TENM3: variants seen among roughly 807,000 people sequenced by gnomAD.
The protein encoded by TENM3 is teneurin transmembrane protein 3, also known as teneurin-3.
In TENM3, 63 loss-of-function variants were observed where a neutral mutation model predicts 255.1. The ratio of observed to expected loss-of-function variants is 0.25; its 90% CI spans 0.20 to 0.30. The LOEUF (loss-of-function observed/expected upper bound fraction) is 0.30, where lower values mean the gene tolerates loss of function less well. TENM3 is among the 10% of genes least tolerant of loss of function. The probability of loss-of-function intolerance (pLI) is 1.00; values close to 1 mark genes in which losing one functional copy is unlikely to be tolerated. For missense variants in TENM3, 2,929 were observed against 3,461.1 expected (o/e 0.85, Z 3.86); for synonymous variants, 1,306 against 1,322.3 (o/e 0.99, Z 0.27).
intron 16 of TENM3, among the ~76,000 whole-genome samples, chr4:182,735,952 C>G (rs1012161066): frequency 1.3e-5 from 2 of 151,964 alleles, no homozygotes; most frequent in African/African-American, 4.8e-5. Flanking sequence ...GGAGATAATT[C>G]TTATGCACAT....
the TENM3 span, among the ~76,000 whole-genome samples, chr4:181,770,486 A>G: frequency 1.0e-3 from 158 of 152,132 alleles, no homozygotes; most frequent in African/African-American, 3.7e-3. Context: ...CATCCTGGCT[A>G]ACAGGGTGAA....
chr4:182,205,932 C>T (rs1045674333), intron 1 of TENM3, among the ~76,000 whole-genome samples: 2 of 151,938 alleles, frequency 1.3e-5, no homozygotes, highest in African/African-American at 4.8e-5. Context: ...GCTTTACATC[C>T]GGAACATGGA....
chr4:181,991,853 G>A, the TENM3 span, among the ~76,000 whole-genome samples: 14 of 152,144 alleles, frequency 9.2e-5, no homozygotes, highest in African/African-American at 2.9e-4. Flanking sequence ...TATAGGCAGT[G>A]GAAGCTGAAC....
At chr4:182,757,017 T>TA (rs1445808311) in intron 22 of TENM3, among the ~76,000 whole-genome samples, 1 of 152,090 alleles carries the variant, frequency 6.6e-6, no homozygotes, top group Non-Finnish European at 1.5e-5. Context: ...GCTCTGATTC[T>TA]AAGATCTTCA....
chr4:181,665,477 G>A, the TENM3 span, among the ~76,000 whole-genome samples: 8 of 152,034 alleles, frequency 5.3e-5, no homozygotes, highest in Non-Finnish European at 1.2e-4. Context: ...TATTGTACGT[G>A]TACATATACA....
chr4:182,289,319 A>G (rs1391769646), intron 1 of TENM3, among the ~76,000 whole-genome samples: 1 of 152,214 alleles, frequency 6.6e-6, no homozygotes, highest in Admixed American at 6.5e-5. Flanking sequence ...TAGATAAAGG[A>G]CTTACTCTAT....
the TENM3 span, among the ~76,000 whole-genome samples, chr4:181,785,360 A>T: frequency 1.3e-5 from 2 of 152,126 alleles, no homozygotes; most frequent in East Asian, 3.9e-4. Flanking sequence ...TGCCCCAGAA[A>T]GCCACAGCTA....
chr4:182,626,103 C>T (rs1032009594), intron 4 of TENM3, among the ~76,000 whole-genome samples: 3 of 152,144 alleles, frequency 2.0e-5, no homozygotes, highest in East Asian at 3.9e-4. Flanking sequence ...TTGTCTATGG[C>T]GGCTTTCACG....
the TENM3 span, among the ~76,000 whole-genome samples, chr4:181,580,641 C>T: frequency 6.6e-6 from 1 of 152,128 alleles, no homozygotes; most frequent in African/African-American, 2.4e-5. Context: ...CCCAGACCCC[C>T]CTGAGAGGAG....
chr4:181,936,244 A>T, the TENM3 span, among the ~76,000 whole-genome samples: 3 of 152,036 alleles, frequency 2.0e-5, no homozygotes, highest in South Asian at 4.2e-4. Flanking sequence ...ATACAAAAAA[A>T]ATAAGCTGGG....
intron 1 of TENM3, among the ~76,000 whole-genome samples, chr4:182,155,167 G>A (rs57301483): frequency 0.17 from 25,792 of 152,034 alleles, 2,723 homozygotes; most frequent in East Asian, 0.5. Context: ...CACAAGTAAT[G>A]CCACCTAAAA....
chr4:182,766,316 G>A (rs1046271941), intron 22 of TENM3, among the ~76,000 whole-genome samples: 1 of 151,922 alleles, frequency 6.6e-6, no homozygotes, highest in Non-Finnish European at 1.5e-5. Context: ...AGACCAGATA[G>A]CTAAACAAAT....
chr4:182,794,021 T>C, intron 26 of TENM3, 136 bp downstream of exon 26: 2 of 730,890 alleles, frequency 2.7e-6, no homozygotes, highest in Non-Finnish European at 4.4e-6. Flanking sequence ...TTTAAATGTG[T>C]TTATTTCTTT....
chr4:182,572,057 A>C (rs1744434851), intron 3 of TENM3, among the ~76,000 whole-genome samples: 1 of 151,942 alleles, frequency 6.6e-6, no homozygotes, highest in African/African-American at 2.4e-5. Context: ...GCCTGCCACC[A>C]CGCCCGGCTC....
the TENM3 span, among the ~76,000 whole-genome samples, chr4:182,013,979 TGTATATACGTATATACAC>T: frequency 6.1e-5 from 7 of 114,912 alleles, no homozygotes; most frequent in Admixed American, 9.2e-5. Context: ...TATATATACG[TGTATATACGTATATACAC>T]ATATATACGT....
chr4:181,994,149 A>G, the TENM3 span, among the ~76,000 whole-genome samples: 1 of 152,194 alleles, frequency 6.6e-6, no homozygotes, highest in African/African-American at 2.4e-5. Flanking sequence ...CATAGGATTG[A>G]TTTAAAATCT....
chr4:182,126,984 G>A, the TENM3 span, among the ~76,000 whole-genome samples: 10 of 152,166 alleles, frequency 6.6e-5, no homozygotes, highest in East Asian at 1.9e-4. Context: ...TTCTTAAGGC[G>A]TAGCATGCAT....
chr4:182,356,860 C>T (rs1035359276), intron 3 of TENM3, among the ~76,000 whole-genome samples: 4 of 139,172 alleles, frequency 2.9e-5, no homozygotes, highest in Non-Finnish European at 6.2e-5. Flanking sequence ...AATGCTCTCC[C>T]TCCTCCCTCC....
At chr4:181,642,716 T>C in the TENM3 span, among the ~76,000 whole-genome samples, 1 of 152,224 alleles carries the variant, frequency 6.6e-6, no homozygotes, top group Non-Finnish European at 1.5e-5. Context: ...TTCAGTTGTC[T>C]GCATATGGCT....
Sources: allele counts gnomAD v4.1 joint callset (sites outside exome capture counted in the v4.1 genomes callset), GRCh38; gene constraint gnomAD v4.1.1; transcripts MANE v1.5; gene names NCBI Gene and HGNC (gene_info 2026-07-23, HGNC 2026-07-21).